The following INPP4B variants were observed in gnomAD, a reference collection of about 807,000 sequenced individuals.
INPP4B encodes inositol polyphosphate-4-phosphatase type II B.
Under a neutral mutation model 122.5 loss-of-function variants are expected in INPP4B, and 55 were observed. The observed-to-expected ratio is 0.45, with a 90% confidence interval of 0.36 to 0.56. The LOEUF is 0.56. Ranked by LOEUF, INPP4B falls within the 20% of genes least tolerant of loss-of-function variation. INPP4B has a pLI of 0.00. For synonymous variants in INPP4B, 403 were observed against 388.7 expected (o/e 1.04, Z -0.43); for missense variants, 1,000 against 1,097.7 (o/e 0.91, Z 1.26).
Position 142,752,878 on chromosome 4 carries a change from C to T in INPP4B, c.-253-26977G>A, listed in dbSNP as rs186796181. ...TTCCTATGAACAAAGGAAGGAACAG[C>T]ATGTATTAATAGAGAGTTACTAGAA... On this transcript the variant is annotated intron_variant, in intron 1 of 25. Transcript: ENST00000262992. Among the ~76,000 whole-genome samples, 240 of 152,190 alleles carry T rather than the reference C, an allele frequency of 1.6e-3. 2 individuals are homozygous for T. Among genetic ancestry groups the T allele is most frequent in the Non-Finnish European group, 1.4e-3 (97 of 68,006 alleles).
chr4:142,334,133 G>T (rs1775688557), intron 7 of INPP4B, among the ~76,000 whole-genome samples: 2 of 152,070 alleles, frequency 1.3e-5, no homozygotes, highest in Non-Finnish European at 2.9e-5. Context: ...TTCTCTGTCT[G>T]ACTTAGCATA....
At chr4:142,355,878 A>T (rs1162339043) in intron 7 of INPP4B, among the ~76,000 whole-genome samples, 1 of 150,872 alleles carries the variant, frequency 6.6e-6, no homozygotes, top group Non-Finnish European at 1.5e-5. Flanking sequence ...TTTTTTTAAC[A>T]TAAGGATAGC....
chr4:142,395,319 G>A (rs1050728896), intron 7 of INPP4B, among the ~76,000 whole-genome samples: 1 of 152,168 alleles, frequency 6.6e-6, no homozygotes, highest in African/African-American at 2.4e-5. Flanking sequence ...AAATAACATC[G>A]ATATGTAATA....
chr4:142,130,886 G>A (rs1384053035), intron 18 of INPP4B, among the ~76,000 whole-genome samples: 1 of 152,180 alleles, frequency 6.6e-6, no homozygotes, highest in Admixed American at 6.5e-5. Flanking sequence ...AGAACACAGT[G>A]TCATAAAACT....
intron 7 of INPP4B, among the ~76,000 whole-genome samples, chr4:142,348,385 T>C (rs1258627285): frequency 6.6e-6 from 1 of 151,978 alleles, no homozygotes; most frequent in African/African-American, 2.4e-5. Flanking sequence ...AGGAAAATAT[T>C]TTTTTCCAGA....
intron 18 of INPP4B, among the ~76,000 whole-genome samples, chr4:142,135,792 A>T (rs542656027): frequency 6.6e-6 from 1 of 151,542 alleles, no homozygotes; most frequent in Non-Finnish European, 1.5e-5. Flanking sequence ...TTGTTTGTTT[A>T]TTTTTTTAAT....
chr4:142,478,792 C>G (rs189313144), intron 2 of INPP4B, among the ~76,000 whole-genome samples: 9 of 152,238 alleles, frequency 5.9e-5, no homozygotes, highest in Non-Finnish European at 1.0e-4. Flanking sequence ...CAGAATAATA[C>G]TGGCCTCATA....
chr4:142,672,010 C>T (rs1463103422), intron 2 of INPP4B, among the ~76,000 whole-genome samples: 1 of 152,066 alleles, frequency 6.6e-6, no homozygotes, highest in Non-Finnish European at 1.5e-5. Flanking sequence ...AAACATGTAA[C>T]CCTCTGAGTC....
At chr4:142,589,824 AT>A (rs1737041122) in intron 2 of INPP4B, among the ~76,000 whole-genome samples, 1 of 152,116 alleles carries the variant, frequency 6.6e-6, no homozygotes, top group South Asian at 2.1e-4. Context: ...CTACATGCAA[AT>A]TTTTATTGCA....
chr4:142,101,646 C>T (rs1472702854), intron 23 of INPP4B, among the ~76,000 whole-genome samples: 2 of 152,124 alleles, frequency 1.3e-5, no homozygotes, highest in Non-Finnish European at 2.9e-5. Context: ...TTGATTTCTT[C>T]CAGAGCACAA....
intron 9 of INPP4B, among the ~76,000 whole-genome samples, chr4:142,297,080 T>C (rs1357220604): frequency 6.6e-6 from 1 of 152,216 alleles, no homozygotes; most frequent in Non-Finnish European, 1.5e-5. Context: ...CAAAACTTTG[T>C]GTTACACTTA....
At chr4:142,513,662 C>A (rs1370964276) in intron 2 of INPP4B, among the ~76,000 whole-genome samples, 3 of 152,172 alleles carry the variant, frequency 2.0e-5, no homozygotes, top group Non-Finnish European at 2.9e-5. Context: ...CTTGCCTCGG[C>A]CTCCCAAGTG....
chr4:142,595,422 A>G (rs980094664), intron 2 of INPP4B, among the ~76,000 whole-genome samples: 3 of 152,210 alleles, frequency 2.0e-5, no homozygotes, highest in Non-Finnish European at 4.4e-5. Context: ...CCTGTCCTTG[A>G]AAATGGCCTC....
intron 7 of INPP4B, chr4:142,383,970 A>G (rs1049866457): frequency 4.0e-5 from 26 of 644,212 alleles, no homozygotes; most frequent in Non-Finnish European, 6.5e-5. Context: ...ACCATCGTGC[A>G]GCTGTCAAGA....
chr4:142,765,732 A>T (rs1772017938), intron 1 of INPP4B: 1 of 152,092 alleles, frequency 6.6e-6, no homozygotes, highest in African/African-American at 2.4e-5. Flanking sequence ...TCTTTCTTTT[A>T]TTTATATAAA....
chr4:142,048,549 G>A (rs1407831150), intron 25 of INPP4B, among the ~76,000 whole-genome samples: 6 of 151,856 alleles, frequency 4.0e-5, no homozygotes, highest in Admixed American at 3.9e-4. Flanking sequence ...GAGAGGCAAG[G>A]GTTTGTTATG....
chr4:142,456,834 GA>G (rs1815544465), intron 3 of INPP4B, among the ~76,000 whole-genome samples: 1 of 151,876 alleles, frequency 6.6e-6, no homozygotes, highest in Non-Finnish European at 1.5e-5. Context: ...TAGATATCAA[GA>G]AAAAGCTAAT....
chr4:142,608,503 A>G (rs1452074286), intron 2 of INPP4B, among the ~76,000 whole-genome samples: 2 of 152,082 alleles, frequency 1.3e-5, no homozygotes, highest in Non-Finnish European at 2.9e-5. Flanking sequence ...TCTTCCACCC[A>G]TTGCACTTGA....
At chr4:142,451,818 G>T (rs1814302342) in intron 3 of INPP4B, among the ~76,000 whole-genome samples, 1 of 152,114 alleles carries the variant, frequency 6.6e-6, no homozygotes, top group Non-Finnish European at 1.5e-5. Flanking sequence ...TGAGCTTTTG[G>T]TTCATTGTAA....
Sources: allele counts gnomAD v4.1 joint callset (sites outside exome capture counted in the v4.1 genomes callset), GRCh38; gene constraint gnomAD v4.1.1; transcripts MANE v1.5; gene names NCBI Gene and HGNC (gene_info 2026-07-23, HGNC 2026-07-21).